The following TUBD1 variants were observed in gnomAD, a reference collection of about 807,000 sequenced individuals.
TUBD1 encodes the protein tubulin delta chain.
A neutral mutation model predicts 51.2 loss-of-function variants in TUBD1; 38 were observed. The ratio of observed to expected loss-of-function variants is 0.74; its 90% CI spans 0.57 to 0.97. TUBD1 has a LOEUF of 0.97. Among genes scored for constraint, TUBD1 ranks in the 50% least tolerant of loss-of-function variants. The pLI is 0.00. For missense variants in TUBD1, 489 were observed against 538.4 expected (o/e 0.91, Z 0.91); for synonymous variants, 169 against 178.2 (o/e 0.95, Z 0.41).
chr17:59,889,003 T>C (rs1032205585), intron 2 of TUBD1, among the ~76,000 whole-genome samples: 1 of 136,492 alleles, frequency 7.3e-6, no homozygotes, highest in Non-Finnish European at 1.5e-5. Flanking sequence ...TGAGCCACCA[T>C]GCCTGGCTTT....
intron 4 of TUBD1, 119 bp from the exon 5 acceptor site, chr17:59,878,453 C>A (rs910312335): frequency 1.5e-6 from 1 of 670,976 alleles, no homozygotes; most frequent in African/African-American, 1.8e-5. Context: ...AGCCGTATGA[C>A]CTTGGACAAG....
In TUBD1 at chr17:59,863,645, A is replaced by G; in HGVS notation, c.1259+19T>C. ...AAAAAAAAAAAAAAGAAAGGTTTGT[A>G]GACTTATTTTATACTTACTTTGAAG... On this transcript the variant is annotated intron_variant, in intron 8 of 8. Transcript: ENST00000325752. 1 of 1,422,924 alleles carries G rather than the reference A, an allele frequency of 7.0e-7. No individual in the cohort carries two copies. The highest frequency in any genetic ancestry group is 2.6e-5 in the East Asian group (1 of 39,134). The allele number at this position is 1,422,924 out of a possible 1,614,324, so 88.1% of individuals were successfully genotyped here.
At chr17:59,883,894 G>C (rs1286146857) in intron 3 of TUBD1, among the ~76,000 whole-genome samples, 1 of 152,012 alleles carries the variant, frequency 6.6e-6, no homozygotes, top group Non-Finnish European at 1.5e-5. Context: ...TTTGATACCA[G>C]GTAGTTCTAC....
At chr17:59,880,816 T>C in intron 4 of TUBD1, 78 bp downstream of exon 4, 1 of 1,401,082 alleles carries the variant, frequency 7.1e-7, no homozygotes, top group Admixed American at 1.8e-5. Context: ...ACCTGGGTGG[T>C]GAGAGCAATC....
At chr17:59,880,614 A>G (rs2040440272) in intron 4 of TUBD1, among the ~76,000 whole-genome samples, 1 of 151,828 alleles carries the variant, frequency 6.6e-6, no homozygotes, top group African/African-American at 2.4e-5. Context: ...TCATGGGTTC[A>G]CGCTATACTC....
chr17:59,888,216 T>C (rs558292428), intron 2 of TUBD1, among the ~76,000 whole-genome samples: 2 of 152,260 alleles, frequency 1.3e-5, no homozygotes, highest in East Asian at 3.9e-4. Flanking sequence ...ATTATAGGCA[T>C]GAGCCACTGC....
At chr17:59,860,534 A>C (rs1003650125) in intron 8 of TUBD1, 110 bp from the exon 9 acceptor site, 4 of 679,994 alleles carry the variant, frequency 5.9e-6, no homozygotes, top group Non-Finnish European at 1.0e-5. Flanking sequence ...TTTGAAGATC[A>C]CACAATCGTT....
At position 59,885,282 on chromosome 17, in the gene TUBD1, C is replaced by T. The variant is rs1191694788; in HGVS notation, c.320+801G>A. The stretch of plus-strand genomic sequence containing the variant: ...AGAGGGATCCATGGTATAGCTGGGA[C>T]CAGCTGGACCTGAGATTGAACTGGG... On this transcript the variant is annotated intron_variant, in intron 3 of 8. Coordinates refer to ENST00000325752, the MANE Select transcript of TUBD1 (RefSeq NM_016261.4). 6.8e-6 allele frequency: 4 copies of T among 586,272 alleles called. No homozygotes were observed. The East Asian group carries it at 1.4e-4, about 20-fold the overall frequency. The allele number at this position is 586,272 out of a possible 1,614,324, so 36.3% of individuals were successfully genotyped here.
At chr17:59,881,162 A>G (rs906164143) in intron 3 of TUBD1, 52 bp from the exon 4 acceptor site, 10 of 1,404,382 alleles carry the variant, frequency 7.1e-6, no homozygotes, top group Admixed American at 3.4e-5. Context: ...TTAACCACAG[A>G]TATGTAATTC....
intron 3 of TUBD1, among the ~76,000 whole-genome samples, chr17:59,882,290 T>C (rs1400868962): frequency 6.6e-6 from 1 of 152,108 alleles, no homozygotes; most frequent in Non-Finnish European, 1.5e-5. Context: ...TGTTTTTGTT[T>C]TTGTGTTTTT....
At position 59,890,253 on chromosome 17, in the gene TUBD1, A is replaced by AT. The variant is rs766841709; in HGVS notation, c.172+577dup. On this transcript the variant is annotated intron_variant, in intron 2 of 8. Coordinates refer to ENST00000325752, the MANE Select transcript of TUBD1 (RefSeq NM_016261.4). ...ATAGGTGGTTAAGCAGGGTCCTTTT[A>AT]TTTTTTTTGGAGATGGAGTCTCGCT... Among the ~76,000 whole-genome samples, 34 of 151,670 alleles carry AT rather than the reference A, an allele frequency of 2.2e-4. No individual in the cohort carries two copies. In the East Asian group the frequency reaches 4.7e-3, roughly 21 times the overall value.
chr17:59,885,646 T>C (rs2040687884), intron 3 of TUBD1: 2 of 708,348 alleles, frequency 2.8e-6, no homozygotes, highest in Non-Finnish European at 4.8e-6. Context: ...AACTCAGTGC[T>C]GTGGTTAAAA....
intron 4 of TUBD1, among the ~76,000 whole-genome samples, chr17:59,879,298 T>C (rs1050827807): frequency 6.6e-6 from 1 of 151,738 alleles, no homozygotes; most frequent in African/African-American, 2.4e-5. Context: ...AAAGAAATTT[T>C]CTCCCAATGG....
At chr17:59,870,308 G>A (rs1254557517) in intron 6 of TUBD1, among the ~76,000 whole-genome samples, 1 of 142,366 alleles carries the variant, frequency 7.0e-6, no homozygotes, top group African/African-American at 2.6e-5. Context: ...GGGAGGTGGA[G>A]GTTGCAGTGA....
rs147861510 is a variant in TUBD1, at chr17:59,880,315, C to G, written c.537+579G>C. ...CTCATGATTTTTCCACCTTGGCTTC[C>G]CAAAGTGCTGGGATTACAGGCGTGA... On this transcript the variant is annotated intron_variant, in intron 4 of 8. Coordinates refer to ENST00000325752, the MANE Select transcript of TUBD1 (RefSeq NM_016261.4). 5.3e-5 allele frequency among the ~76,000 whole-genome samples: 8 copies of G among 151,944 alleles called. No individual in the cohort carries two copies. The East Asian group carries it at 5.8e-4, about 11-fold the overall frequency.
intron 1 of TUBD1, among the ~76,000 whole-genome samples, chr17:59,891,271 C>G (rs1318500329): frequency 6.6e-6 from 1 of 152,080 alleles, no homozygotes; most frequent in Non-Finnish European, 1.5e-5. Context: ...GCTGGGATTA[C>G]AGGCACGTGC....
intron 6 of TUBD1, among the ~76,000 whole-genome samples, chr17:59,867,588 T>G (rs2039766456): frequency 6.6e-6 from 1 of 151,986 alleles, no homozygotes; most frequent in African/African-American, 2.4e-5. Flanking sequence ...CTTGAGAAAC[T>G]GAGTGGGGAG....
At chr17:59,865,656 G>A (rs1434523527) in intron 7 of TUBD1, among the ~76,000 whole-genome samples, 1 of 152,174 alleles carries the variant, frequency 6.6e-6, no homozygotes, top group Non-Finnish European at 1.5e-5. Flanking sequence ...AGATACCACT[G>A]GTTGTCCAGC....
At chr17:59,877,796 A>G (rs984284844) in intron 5 of TUBD1, among the ~76,000 whole-genome samples, 4 of 150,274 alleles carry the variant, frequency 2.7e-5, no homozygotes, top group African/African-American at 9.8e-5. Flanking sequence ...AAAAAAAATC[A>G]TTGACTTGCA....
Sources: allele counts gnomAD v4.1 joint callset (sites outside exome capture counted in the v4.1 genomes callset), GRCh38; gene constraint gnomAD v4.1.1; transcripts MANE v1.5; gene names NCBI Gene and HGNC (gene_info 2026-07-23, HGNC 2026-07-21).